Variants in YIF1B observed in about 807,000 individuals in gnomAD.
YIF1B encodes protein YIF1B.
A neutral mutation model predicts 34.6 loss-of-function variants in YIF1B; 24 were observed. The ratio of observed to expected loss-of-function variants is 0.69; its 90% CI spans 0.50 to 0.98. YIF1B has a LOEUF of 0.98. YIF1B is among the 50% of genes least tolerant of loss of function. YIF1B has a pLI of 0.00. For synonymous variants in YIF1B, 186 were observed against 184.8 expected (o/e 1.01, Z -0.05); for missense variants, 368 against 429.4 (o/e 0.86, Z 1.26).
intron 1 of YIF1B, among the ~76,000 whole-genome samples, chr19:38,312,921 C>A (rs1241329921): frequency 6.6e-6 from 1 of 151,974 alleles, no homozygotes; most frequent in Non-Finnish European, 1.5e-5. Context: ...AGCCTCTCTG[C>A]AAGCCCCACT....
chr19:38,318,193 C>CAAAAAAAA (rs35748833), upstream of YIF1B, among the ~76,000 whole-genome samples: 487 of 29,888 alleles, frequency 0.016, 57 homozygotes, highest in Middle Eastern at 0.028. Context: ...ACTCTTGTCT[C>CAAAAAAAA]AAAAAAAAAA....
At chr19:38,315,408 A>G (rs1002884456) in intron 1 of YIF1B, 3 of 1,241,850 alleles carry the variant, frequency 2.4e-6, no homozygotes, top group Admixed American at 8.4e-5. Flanking sequence ...AATAAATGAA[A>G]CACACAGCAC....
intron 1 of YIF1B, among the ~76,000 whole-genome samples, chr19:38,312,677 G>T (rs992399707): frequency 2.6e-5 from 4 of 152,142 alleles, no homozygotes; most frequent in African/African-American, 7.2e-5. Flanking sequence ...GAGAGGAATC[G>T]AATTATCCAC....
Position 38,305,184 on chromosome 19 carries a change from A to T in YIF1B, c.*168T>A. 7.4e-7 allele frequency: 1 copy of T among 1,356,042 alleles called. No individual in the cohort carries two copies. Among genetic ancestry groups the T allele is most frequent in the Non-Finnish European group, 9.8e-7 (1 of 1,018,574 alleles). 84.0% of individuals were successfully genotyped at this position (1,356,042 alleles called of 1,614,324 possible). A position where few individuals can be genotyped will look rare whatever the true frequency, so the allele number is the denominator to read the frequency against. On this transcript the variant is annotated 3_prime_UTR_variant, in exon 8 of 8. Transcript: ENST00000339413. ...CTGGGGCGGTGGCCTGTGCAGCTGG[A>T]GATCTCTCAGCACCTTGGGTTGGGG...
rs1021665084 is a variant in YIF1B, at chr19:38,315,909, C to G, written c.9G>C (p.Pro3=). 2.0e-6 allele frequency: 3 copies of G among 1,473,294 alleles called. No homozygotes were observed. Among genetic ancestry groups the G allele is most frequent in the East Asian group, 5.7e-5 (2 of 34,820 alleles). 91.3% of individuals were successfully genotyped at this position (1,473,294 alleles called of 1,614,324 possible). Residue 3 remains proline (P), a synonymous_variant, in exon 1 of 8, where the codon CCG becomes CCC. Transcript: ENST00000339413. MH[P]AGLAAAAAGT... Reference sequence around the variant, plus strand: ...CCGCAGCCGCCGCCGCCAAGCCTGCCGGGTGCATCCTTCGCCGCCGCCACC... The same window carrying G: ...CCGCAGCCGCCGCCGCCAAGCCTGCGGGGTGCATCCTTCGCCGCCGCCACC...
At chr19:38,320,190 T>TTCGGGGTCCGCCAACGCC (rs1274520113), upstream of YIF1B, 19 of 1,601,484 alleles carry the variant, frequency 1.2e-5, no homozygotes, top group Non-Finnish European at 1.5e-5. Context: ...TTGCTAACGC[T>TTCGGGGTCCGCCAACGCC]TCGGGGTCCG....
chr19:38,320,047 G>T, upstream of YIF1B: 1 of 1,503,906 alleles, frequency 6.6e-7, no homozygotes. Context: ...GGGGCCGCAC[G>T]AAGCCAGGCT....
rs117697487 is a variant in YIF1B at position 38,314,797 on chromosome 19, T to C, written c.58+1063A>G. 3.4e-4 allele frequency among the ~76,000 whole-genome samples: 52 copies of C among 151,564 alleles called. No homozygotes were observed. In the East Asian group the frequency reaches 9.3e-3, roughly 27 times the overall value. On this transcript the variant is annotated intron_variant, in intron 1 of 7. Coordinates refer to ENST00000339413, the MANE Select transcript of YIF1B (RefSeq NM_001039672.3). Reference sequence around the variant, plus strand: ...CCCGGCTAATTTTGTGTACTTTTATTAGAGATAGGATTTTGCTGTTACCCA... The same window carrying C: ...CCCGGCTAATTTTGTGTACTTTTATCAGAGATAGGATTTTGCTGTTACCCA...
rs2098077785 is a variant in YIF1B, at chr19:38,307,686, C to T, written c.606G>A (p.Leu202=). ...CCAGATAGAGGCTGAGCAGGATGGC[C>T]AGCACCTCCAGGGTCAGCCAGGCCA... The part of the protein sequence containing the change: ...SALAWLTLEV[L]AILLSLYLVT... The change falls in exon 6 of 8, where the codon CTG becomes CTA. Residue 202 remains leucine (L), a synonymous_variant. Coordinates refer to ENST00000339413, the MANE Select transcript of YIF1B (RefSeq NM_001039672.3). The T allele has an allele frequency of 6.2e-7, 1 of 1,613,348 alleles. No homozygotes were observed. Among genetic ancestry groups the T allele is most frequent in the Non-Finnish European group, 8.5e-7 (1 of 1,179,986 alleles).
At chr19:38,315,087 C>A (rs1016698372) in intron 1 of YIF1B, among the ~76,000 whole-genome samples, 1 of 151,618 alleles carries the variant, frequency 6.6e-6, no homozygotes, top group South Asian at 2.1e-4. Flanking sequence ...GGAGAAACCC[C>A]GTCTATACCA....
intron 3 of YIF1B, 42 bp downstream of exon 3, chr19:38,309,182 C>A (rs369957989): frequency 2.9e-5 from 47 of 1,608,078 alleles, no homozygotes; most frequent in Non-Finnish European, 4.0e-5. Context: ...CTGAGCCCCC[C>A]ACAGGCCCAC....
At chr19:38,308,469 G>A (rs533103971) in intron 5 of YIF1B, among the ~76,000 whole-genome samples, 1 of 152,222 alleles carries the variant, frequency 6.6e-6, no homozygotes, top group African/African-American at 2.4e-5. Context: ...CATCCTGGCT[G>A]CTGCTGGAGT....
chr19:38,309,453 G>A lies in YIF1B; in HGVS notation c.249C>T (p.Ala83=), dbSNP rs1969218045. The change falls in exon 2 of 8, where the codon GCC becomes GCT. Residue 83 remains alanine, a synonymous_variant. Transcript: ENST00000339413. The stretch of plus-strand genomic sequence containing the variant: ...CCTGCGCGGCCAGGCTGCTCCCATA[G>A]GCCATGGCCATGTTGGACACCGGGT... The part of the protein sequence containing the change: ...LADPVSNMAM[A]YGSSLAAQGK... The A allele has an allele frequency of 1.2e-6, 2 of 1,613,930 alleles. No homozygotes were observed. The highest frequency in any genetic ancestry group is 2.7e-5 in the African/African-American group (2 of 74,934).
At chr19:38,313,005 G>C (rs1453431085) in intron 1 of YIF1B, among the ~76,000 whole-genome samples, 4 of 151,974 alleles carry the variant, frequency 2.6e-5, no homozygotes, top group African/African-American at 9.7e-5. Context: ...AGGCTGGAGT[G>C]CAATGGTGCG....
upstream of YIF1B, among the ~76,000 whole-genome samples, chr19:38,318,880 G>A (rs750362023): frequency 6.6e-6 from 1 of 152,098 alleles, no homozygotes; most frequent in Non-Finnish European, 1.5e-5. Context: ...TTACGGGGGG[G>A]CGCAGAAAGA....
upstream of YIF1B, among the ~76,000 whole-genome samples, chr19:38,317,927 G>A (rs923755511): frequency 2.6e-5 from 4 of 151,490 alleles, no homozygotes; most frequent in African/African-American, 9.7e-5. Context: ...CAAGTGCAGC[G>A]GATCACGCCT....
chr19:38,307,829 G>A (rs1473792207), intron 5 of YIF1B, 77 bp from the exon 6 acceptor site: 1 of 1,561,430 alleles, frequency 6.4e-7, no homozygotes, highest in East Asian at 2.3e-5. Context: ...GGACAGCTCT[G>A]TGTTGGGTAG....
At chr19:38,320,020 T>C (rs556806743), upstream of YIF1B, 5 of 1,492,050 alleles carry the variant, frequency 3.4e-6, no homozygotes, top group Admixed American at 2.3e-5. Flanking sequence ...GGGCGCGCTG[T>C]TGGTGGCGCG....
chr19:38,315,507 C>G, intron 1 of YIF1B: 1 of 1,404,112 alleles, frequency 7.1e-7, no homozygotes, highest in Non-Finnish European at 9.2e-7. Flanking sequence ...GCCCTCTGCG[C>G]TCCCGGGGGG....
Sources: allele counts gnomAD v4.1 joint callset (sites outside exome capture counted in the v4.1 genomes callset), GRCh38; gene constraint gnomAD v4.1.1; transcripts MANE v1.5; gene names NCBI Gene and HGNC (gene_info 2026-07-23, HGNC 2026-07-21).